The following PCDHA7 variants were observed in gnomAD, a reference collection of about 807,000 sequenced individuals.
PCDHA7 encodes the protein protocadherin alpha-7.
Under a neutral mutation model 57.2 loss-of-function variants are expected in PCDHA7, and 37 were observed. The observed-to-expected ratio is 0.65, with a 90% confidence interval of 0.50 to 0.85. PCDHA7 has a LOEUF of 0.85. Among genes scored for constraint, PCDHA7 ranks in the 40% least tolerant of loss-of-function variants. The pLI, the probability that PCDHA7 is intolerant of heterozygous loss-of-function variation, is 0.00. For synonymous variants in PCDHA7, 553 were observed against 558.8 expected (o/e 0.99, Z 0.15); for missense variants, 1,188 against 1,241.8 (o/e 0.96, Z 0.65).
intron 1 of PCDHA7, chr5:140,877,446 G>T: frequency 6.2e-7 from 1 of 1,613,856 alleles, no homozygotes; most frequent in Non-Finnish European, 8.5e-7. Flanking sequence ...GTGAGCCCGC[G>T]CTGACGTCCA....
intron 1 of PCDHA7, among the ~76,000 whole-genome samples, chr5:140,891,825 G>T (rs2153435686): frequency 6.6e-6 from 1 of 152,302 alleles, no homozygotes; most frequent in East Asian, 1.9e-4. Flanking sequence ...TAACGGCACT[G>T]TAAAAGGACT....
intron 1 of PCDHA7, chr5:140,884,380 C>T (rs1281344307): frequency 6.2e-7 from 1 of 1,613,980 alleles, no homozygotes; most frequent in Non-Finnish European, 8.5e-7. Context: ...TCATTGCCAT[C>T]TGCGCGGTGT....
intron 1 of PCDHA7, chr5:140,850,087 T>A (rs2150466351): frequency 6.3e-7 from 1 of 1,596,398 alleles, no homozygotes; most frequent in East Asian, 2.2e-5. Context: ...CTGGAGCTGC[T>A]ACAGTTCCAG....
intron 1 of PCDHA7, chr5:140,877,460 C>T: frequency 6.2e-7 from 1 of 1,613,840 alleles, no homozygotes; most frequent in Non-Finnish European, 8.5e-7. Context: ...ACGTCCACGG[C>T]CACGGTGCTG....
intron 1 of PCDHA7, chr5:140,849,169 C>A: frequency 1.8e-6 from 2 of 1,130,206 alleles, no homozygotes; most frequent in Non-Finnish European, 2.5e-6. Context: ...CTGACTGGCA[C>A]CGTTCAATTA....
intron 1 of PCDHA7, among the ~76,000 whole-genome samples, chr5:140,913,995 A>T (rs541070374): frequency 6.6e-6 from 1 of 152,288 alleles, no homozygotes; most frequent in Admixed American, 6.5e-5. Context: ...TGTGACTAGC[A>T]TATGGTCTAT....
Position 140,869,844 on chromosome 5 carries a change from T to C in PCDHA7, c.2355+33106T>C, listed in dbSNP as rs782664707. The C allele has an allele frequency of 1.3e-5, 21 of 1,611,376 alleles. No individual in the cohort carries two copies. The South Asian group carries it at 1.7e-4, about 13-fold the overall frequency. ...ATCCAGAGTTTGATAAATCAGAATA[T>C]AAGGTGAGCCTTATGGAAAATGCTG... On this transcript the variant is annotated intron_variant, in intron 1 of 3. Transcript: ENST00000525929.
chr5:140,961,638 A>G (rs1428621389), intron 1 of PCDHA7, among the ~76,000 whole-genome samples: 1 of 152,200 alleles, frequency 6.6e-6, no homozygotes, highest in Non-Finnish European at 1.5e-5. Flanking sequence ...AACAATCTTA[A>G]GTCTATGTGG....
At chr5:140,925,966 A>G (rs782294082) in intron 1 of PCDHA7, among the ~76,000 whole-genome samples, 2 of 149,366 alleles carry the variant, frequency 1.3e-5, no homozygotes, top group Non-Finnish European at 3.0e-5. Flanking sequence ...CTATCACGCA[A>G]AAAAAAAGCC....
At chr5:140,917,324 C>CGG (rs1299895515) in intron 1 of PCDHA7, among the ~76,000 whole-genome samples, 73 of 76,040 alleles carry the variant, frequency 9.6e-4, no homozygotes, top group South Asian at 2.7e-3. Flanking sequence ...GTTCATGTGG[C>CGG]GGGGGAGGGG....
At chr5:140,852,575 C>G (rs913886842) in intron 1 of PCDHA7, 6 of 798,922 alleles carry the variant, frequency 7.5e-6, no homozygotes, top group African/African-American at 1.9e-5. Flanking sequence ...TGTGCCAAGG[C>G]TTTTTTATTT....
intron 3 of PCDHA7, among the ~76,000 whole-genome samples, chr5:140,993,524 A>ACGGG (rs2097569997): frequency 2.0e-5 from 3 of 147,314 alleles, no homozygotes; most frequent in Admixed American, 2.0e-4. Flanking sequence ...AGAGAGAGAC[A>ACGGG]GAGAGAGAGA....
chr5:140,965,539 T>C (rs1554227755), intron 1 of PCDHA7, among the ~76,000 whole-genome samples: 1 of 152,034 alleles, frequency 6.6e-6, no homozygotes, highest in East Asian at 1.9e-4. Context: ...GGAATCCAAA[T>C]TCCAGCCTGG....
chr5:141,003,086 G>T (rs782184121), intron 3 of PCDHA7, among the ~76,000 whole-genome samples: 7 of 152,194 alleles, frequency 4.6e-5, no homozygotes, highest in Non-Finnish European at 1.0e-4. Flanking sequence ...GAGTTTAACA[G>T]GCCTGGCATT....
intron 1 of PCDHA7, among the ~76,000 whole-genome samples, chr5:140,953,105 G>A (rs191289853): frequency 5.3e-5 from 8 of 152,214 alleles, no homozygotes; most frequent in Non-Finnish European, 1.2e-4. Flanking sequence ...ATGAGATTTG[G>A]GCAGGGACAC....
rs1041971288 is a variant in PCDHA7, at chr5:140,912,300, A to G, written c.2356-66649A>G. ...CCAGGAACAATACTTTGCCTCCTGT[A>G]ATCCAGTCAAGTTGACCCTCAGTAT... On this transcript the variant is annotated intron_variant, in intron 1 of 3. Coordinates refer to ENST00000525929, the MANE Select transcript of PCDHA7 (RefSeq NM_018910.3). Among the ~76,000 whole-genome samples, 5 of 152,070 alleles carry G rather than the reference A, an allele frequency of 3.3e-5. No homozygotes were observed. The East Asian group carries it at 9.7e-4, about 29-fold the overall frequency.
chr5:141,000,639 G>T (rs1375900945), intron 3 of PCDHA7, among the ~76,000 whole-genome samples: 1 of 151,186 alleles, frequency 6.6e-6, no homozygotes, highest in Non-Finnish European at 1.5e-5. Context: ...TGTTGGGCAG[G>T]CTGGTCTCGA....
chr5:140,926,767 C>T (rs1323702990), intron 1 of PCDHA7: 8 of 1,358,906 alleles, frequency 5.9e-6, no homozygotes, highest in Admixed American at 3.2e-5. Context: ...AGTATCCAGC[C>T]CGCAGCAGTG....
At chr5:140,864,302 C>T (rs550549818) in intron 1 of PCDHA7, 1 of 152,214 alleles carries the variant, frequency 6.6e-6, no homozygotes, top group Non-Finnish European at 1.5e-5. Context: ...TTCAAAAATA[C>T]CATGACAATA....
Sources: allele counts gnomAD v4.1 joint callset (sites outside exome capture counted in the v4.1 genomes callset), GRCh38; gene constraint gnomAD v4.1.1; transcripts MANE v1.5; gene names NCBI Gene and HGNC (gene_info 2026-07-23, HGNC 2026-07-21).